THSD7B: variants seen among roughly 807,000 people sequenced by gnomAD.
THSD7B encodes the protein thrombospondin type-1 domain-containing protein 7B.
Under a neutral mutation model 213.6 loss-of-function variants are expected in THSD7B, and 138 were observed. The observed-to-expected ratio is 0.65, with a 90% CI of 0.56 to 0.74. The LOEUF (loss-of-function observed/expected upper bound fraction) is 0.74. Ranked by LOEUF, THSD7B falls within the 30% of genes least tolerant of loss-of-function variation. THSD7B has a pLI of 0.00. For missense variants in THSD7B, 1,931 were observed against 1,991.5 expected (o/e 0.97, Z 0.58); for synonymous variants, 742 against 687.0 (o/e 1.08, Z -1.25).
At chr2:137,386,573 C>G (rs765326528) in intron 12 of THSD7B, among the ~76,000 whole-genome samples, 1 of 152,076 alleles carries the variant, frequency 6.6e-6, no homozygotes, top group African/African-American at 2.4e-5. Context: ...GAACTCTGGT[C>G]GGAATCAACT....
chr2:137,321,912 A>G (rs1319115549), intron 12 of THSD7B, among the ~76,000 whole-genome samples: 2 of 152,228 alleles, frequency 1.3e-5, no homozygotes, highest in Non-Finnish European at 2.9e-5. Flanking sequence ...CATCAGCTAT[A>G]TAGTGAGATG....
At chr2:137,450,786 A>G (rs1209955237) in intron 14 of THSD7B, 59 bp from the exon 15 acceptor site, 5 of 1,252,212 alleles carry the variant, frequency 4.0e-6, no homozygotes, top group Non-Finnish European at 5.5e-6. Context: ...GGAAATAGAA[A>G]GTGAATTTGA....
chr2:137,294,248 G>A lies in THSD7B; in HGVS notation c.2500+18222G>A, dbSNP rs535112683. Among the ~76,000 whole-genome samples, 13 of 152,044 alleles carry A rather than the reference G, an allele frequency of 8.6e-5. No individual in the cohort carries two copies. In the South Asian group the frequency reaches 2.3e-3, roughly 27 times the overall value. ...CTGCCTTAGCTGTGGTTTTGTTTTC[G>A]ATAATTTCAGTTTCCTATGGTATGG... On this transcript the variant is annotated intron_variant, in intron 12 of 27. Coordinates refer to ENST00000409968, the MANE Select transcript of THSD7B (RefSeq NM_001316349.2).
chr2:137,579,049 A>T (rs1465485327), intron 17 of THSD7B, among the ~76,000 whole-genome samples: 1 of 152,202 alleles, frequency 6.6e-6, no homozygotes, highest in African/African-American at 2.4e-5. Flanking sequence ...TATCTGGATT[A>T]TATGATCCTG....
chr2:137,045,182 GT>G (rs70975735), intron 2 of THSD7B, among the ~76,000 whole-genome samples: 44 of 148,776 alleles, frequency 3.0e-4, no homozygotes, highest in East Asian at 2.2e-3. Flanking sequence ...CATATGACTT[GT>G]TTTTTTTTTC....
At chr2:137,610,117 G>T (rs2104832068) in intron 17 of THSD7B, among the ~76,000 whole-genome samples, 1 of 152,188 alleles carries the variant, frequency 6.6e-6, no homozygotes. Flanking sequence ...TGGTTTGAGG[G>T]CATTGGTTTT....
At chr2:137,534,214 T>C (rs562791955) in intron 15 of THSD7B, among the ~76,000 whole-genome samples, 1 of 151,910 alleles carries the variant, frequency 6.6e-6, no homozygotes, top group East Asian at 1.9e-4. Context: ...TCTTTTATTT[T>C]GCCTTCTTAC....
intron 20 of THSD7B, among the ~76,000 whole-genome samples, chr2:137,629,617 A>G (rs1682702179): frequency 6.6e-6 from 1 of 152,324 alleles, no homozygotes; most frequent in South Asian, 2.1e-4. Flanking sequence ...AACAAAGACA[A>G]AAACAAAACA....
chr2:136,923,370 T>G (rs1034663277), intron 2 of THSD7B, among the ~76,000 whole-genome samples: 1 of 152,226 alleles, frequency 6.6e-6, no homozygotes, highest in South Asian at 2.1e-4. Context: ...TCTGGGTTGC[T>G]TCCAACTCTT....
intron 20 of THSD7B, among the ~76,000 whole-genome samples, chr2:137,630,131 C>T (rs890933651): frequency 8.6e-5 from 13 of 152,034 alleles, no homozygotes; most frequent in African/African-American, 3.1e-4. Context: ...GTAGCTGGGA[C>T]TACAGGCACA....
At chr2:137,335,160 G>A (rs971230730) in intron 12 of THSD7B, among the ~76,000 whole-genome samples, 2 of 152,214 alleles carry the variant, frequency 1.3e-5, no homozygotes, top group Admixed American at 6.5e-5. Context: ...ATGGGAAAAT[G>A]TAGTAGCTAT....
chr2:137,109,372 A>AT (rs762267996), intron 4 of THSD7B, among the ~76,000 whole-genome samples: 24 of 152,284 alleles, frequency 1.6e-4, no homozygotes, highest in Non-Finnish European at 1.5e-4. Context: ...GTGGAAGATA[A>AT]TTTTTCCATG....
intron 15 of THSD7B, among the ~76,000 whole-genome samples, chr2:137,496,122 A>C (rs1046446279): frequency 6.6e-6 from 1 of 152,298 alleles, no homozygotes; most frequent in Middle Eastern, 3.4e-3. Context: ...AGTTTGAGCC[A>C]TCCTTTGAAA....
chr2:136,828,704 A>T (rs1010420950), intron 1 of THSD7B, among the ~76,000 whole-genome samples: 1 of 152,194 alleles, frequency 6.6e-6, no homozygotes, highest in Admixed American at 6.5e-5. Flanking sequence ...GCCTTTGCAC[A>T]TGCTATACTC....
intron 12 of THSD7B, among the ~76,000 whole-genome samples, chr2:137,301,972 C>T (rs1366045162): frequency 1.3e-5 from 2 of 152,098 alleles, no homozygotes; most frequent in East Asian, 1.9e-4. Flanking sequence ...TGAAAAGACC[C>T]AAGCAAGGAC....
chr2:137,578,846 A>C (rs1180267642), intron 17 of THSD7B, among the ~76,000 whole-genome samples: 1 of 152,192 alleles, frequency 6.6e-6, no homozygotes, highest in Non-Finnish European at 1.5e-5. Context: ...TTCACTTGAA[A>C]ACATAGTTAC....
chr2:136,852,496 G>C (rs1216217504), intron 1 of THSD7B, among the ~76,000 whole-genome samples: 1 of 152,150 alleles, frequency 6.6e-6, no homozygotes, highest in East Asian at 1.9e-4. Context: ...AGGGTCTTGT[G>C]AGACTCAGAG....
intron 15 of THSD7B, among the ~76,000 whole-genome samples, chr2:137,512,901 C>G (rs1553456460): frequency 6.6e-6 from 1 of 152,076 alleles, no homozygotes; most frequent in Non-Finnish European, 1.5e-5. Flanking sequence ...GAATGACTTG[C>G]CCAAGGTCAT....
intron 14 of THSD7B, among the ~76,000 whole-genome samples, chr2:137,414,118 A>C (rs1686735689): frequency 6.6e-6 from 1 of 152,176 alleles, no homozygotes; most frequent in Admixed American, 6.5e-5. Flanking sequence ...AAGAGGAGAC[A>C]TTTGTAATTC....
Sources: allele counts gnomAD v4.1 joint callset (sites outside exome capture counted in the v4.1 genomes callset), GRCh38; gene constraint gnomAD v4.1.1; transcripts MANE v1.5; gene names NCBI Gene and HGNC (gene_info 2026-07-23, HGNC 2026-07-21).